The following XYLT1 variants were observed in gnomAD, a reference collection of about 807,000 sequenced individuals.
The protein encoded by XYLT1 is beta-D-xylosyltransferase 1.
XYLT1 carries 36 observed loss-of-function variants against 91.3 expected under a neutral mutation model. That is an observed-to-expected ratio of 0.39 (90% confidence interval 0.30 to 0.52). The LOEUF is 0.52. Among genes scored for constraint, XYLT1 ranks in the 20% least tolerant of loss-of-function variants. The pLI, the probability that XYLT1 is intolerant of heterozygous loss-of-function variation, is 0.68. For missense variants in XYLT1, 1,242 were observed against 1,284.5 expected (o/e 0.97, Z 0.51); for synonymous variants, 588 against 532.0 (o/e 1.11, Z -1.45).
At chr16:17,419,968 A>C (rs187355086) in intron 1 of XYLT1, among the ~76,000 whole-genome samples, 53 of 152,320 alleles carry the variant, frequency 3.5e-4, no homozygotes, top group African/African-American at 1.3e-3. Context: ...TAATGAATCC[A>C]AAATCTATTG....
intron 1 of XYLT1, among the ~76,000 whole-genome samples, chr16:17,403,181 T>C (rs2035990341): frequency 6.6e-6 from 1 of 152,112 alleles, no homozygotes; most frequent in African/African-American, 2.4e-5. Context: ...ACTCTATGGA[T>C]TTTATGGGAA....
At chr16:17,457,471 ATAACC>A in intron 1 of XYLT1, among the ~76,000 whole-genome samples, 1 of 152,348 alleles carries the variant, frequency 6.6e-6, no homozygotes, top group East Asian at 1.9e-4. Flanking sequence ...AGAAGAATGA[ATAACC>A]TAACTTCTAC....
Position 17,343,806 on chromosome 16 carries a change from C to T in XYLT1, c.402+14206G>A, listed in dbSNP as rs149071537. Among the ~76,000 whole-genome samples, 8 of 152,258 alleles carry T rather than the reference C, an allele frequency of 5.3e-5. No homozygotes were observed. In the East Asian group the frequency reaches 5.8e-4, roughly 11 times the overall value. On this transcript the variant is annotated intron_variant, in intron 2 of 11. Transcript: ENST00000261381. ...TAAATGAGAAGAGGAATCAAGAGAGCGTTCTTCCGTACCTCATCACACCCA... is the reference window on the plus strand; with the variant it reads ...TAAATGAGAAGAGGAATCAAGAGAGTGTTCTTCCGTACCTCATCACACCCA...
chr16:17,329,966 G>A (rs1486507784), intron 2 of XYLT1, among the ~76,000 whole-genome samples: 1 of 152,174 alleles, frequency 6.6e-6, no homozygotes, highest in Non-Finnish European at 1.5e-5. Flanking sequence ...CATAGTACAT[G>A]TTCCATCAAT....
At chr16:17,444,995 A>G (rs1386208463) in intron 1 of XYLT1, among the ~76,000 whole-genome samples, 1 of 152,178 alleles carries the variant, frequency 6.6e-6, no homozygotes. Context: ...GAATGGATGA[A>G]GGGAGGACAC....
chr16:17,404,125 G>T (rs1447518054), intron 1 of XYLT1, among the ~76,000 whole-genome samples: 3 of 152,090 alleles, frequency 2.0e-5, no homozygotes, highest in African/African-American at 7.2e-5. Context: ...GGGAGGAGGT[G>T]TGACAAGCCT....
chr16:17,283,704 C>T (rs1596464834), intron 2 of XYLT1, among the ~76,000 whole-genome samples: 1 of 152,192 alleles, frequency 6.6e-6, no homozygotes, highest in East Asian at 1.9e-4. Flanking sequence ...CAACTCATTT[C>T]CTTAATCAAG....
chr16:17,155,737 T>C (rs540769435), intron 6 of XYLT1, among the ~76,000 whole-genome samples: 17 of 152,078 alleles, frequency 1.1e-4, no homozygotes, highest in South Asian at 4.2e-4. Context: ...CACGCAAGAG[T>C]TGGAAGTTGT....
chr16:17,254,989 T>C (rs2141753254), intron 3 of XYLT1, among the ~76,000 whole-genome samples: 1 of 136,624 alleles, frequency 7.3e-6, no homozygotes, highest in Middle Eastern at 3.9e-3. Context: ...TTCCTTTTTT[T>C]CTTTTTCTTT....
chr16:17,411,617 C>T (rs759320984), intron 1 of XYLT1, among the ~76,000 whole-genome samples: 45 of 152,098 alleles, frequency 3.0e-4, no homozygotes, highest in Non-Finnish European at 5.3e-4. Context: ...CTGAAAACAC[C>T]CCTTGGTTGC....
chr16:17,366,351 G>A (rs1426013892), intron 1 of XYLT1, among the ~76,000 whole-genome samples: 1 of 152,124 alleles, frequency 6.6e-6, no homozygotes, highest in Non-Finnish European at 1.5e-5. Flanking sequence ...AGCTAACATT[G>A]TTCTCACACT....
intron 1 of XYLT1, among the ~76,000 whole-genome samples, chr16:17,366,145 C>T (rs1212668592): frequency 4.0e-5 from 6 of 149,498 alleles, no homozygotes; most frequent in Non-Finnish European, 8.9e-5. Context: ...GGATACTTCA[C>T]ATGCAAATCT....
intron 10 of XYLT1, among the ~76,000 whole-genome samples, chr16:17,119,653 T>G (rs903212910): frequency 1.3e-5 from 2 of 152,226 alleles, no homozygotes; most frequent in African/African-American, 4.8e-5. Flanking sequence ...ACGTGTCCAT[T>G]CAGTTGATAC....
chr16:17,124,881 G>A (rs1269132164), intron 10 of XYLT1, among the ~76,000 whole-genome samples: 1 of 152,094 alleles, frequency 6.6e-6, no homozygotes, highest in Non-Finnish European at 1.5e-5. Flanking sequence ...CGTTTGATTC[G>A]ATTGCTGAGA....
intron 1 of XYLT1, among the ~76,000 whole-genome samples, chr16:17,398,503 T>A (rs575626658): frequency 1.3e-5 from 2 of 152,284 alleles, no homozygotes; most frequent in South Asian, 4.1e-4. Context: ...GGGGAGTAGA[T>A]GATGGGTGAA....
intron 3 of XYLT1, among the ~76,000 whole-genome samples, chr16:17,253,209 C>T (rs2033570540): frequency 6.6e-6 from 1 of 152,216 alleles, no homozygotes; most frequent in Non-Finnish European, 1.5e-5. Flanking sequence ...TCATTGATAA[C>T]TACCCAATTA....
intron 1 of XYLT1, among the ~76,000 whole-genome samples, chr16:17,465,290 C>G (rs2036879009): frequency 6.6e-6 from 1 of 151,680 alleles, no homozygotes; most frequent in South Asian, 2.1e-4. Flanking sequence ...CTCAGTTCTG[C>G]TACTCCCCAG....
rs535895343 is a variant in XYLT1 at position 17,171,485 on chromosome 16, G to A, written c.1290-12576C>T. Among the ~76,000 whole-genome samples the A allele has an allele frequency of 2.0e-5, 3 of 152,340 alleles. No homozygotes were observed. The East Asian group carries it at 5.8e-4, about 29-fold the overall frequency. On this transcript the variant is annotated intron_variant, in intron 5 of 11. Coordinates refer to ENST00000261381, the MANE Select transcript of XYLT1 (RefSeq NM_022166.4). ...TTCTGCAACACAGAGATCGATTCTG[G>A]AGGATCAGGACATGCTGCGTCCAGT...
intron 2 of XYLT1, among the ~76,000 whole-genome samples, chr16:17,286,287 G>A (rs1276304248): frequency 1.3e-5 from 2 of 152,134 alleles, no homozygotes; most frequent in Admixed American, 6.5e-5. Context: ...ATATGTGGGA[G>A]GAGTGGGTGG....
Sources: gnomAD v4.1 joint callset for allele counts (sites outside exome capture counted in the v4.1 genomes callset) on GRCh38, gnomAD v4.1.1 for gene constraint, MANE v1.5 for transcripts, NCBI Gene and HGNC (gene_info 2026-07-23, HGNC 2026-07-21) for gene names.